The following WWOX variants were observed in gnomAD, a reference collection of about 807,000 sequenced individuals.
WWOX encodes WW domain-containing oxidoreductase.
A neutral mutation model predicts 46.2 loss-of-function variants in WWOX; 69 were observed. That is an observed-to-expected ratio of 1.49 (90% CI 1.23 to 1.82). The LOEUF (loss-of-function observed/expected upper bound fraction) is 1.82, where lower values mean the gene tolerates loss of function less well. Ranked by LOEUF, WWOX falls within the 40% of genes most tolerant of loss-of-function variation. The probability of loss-of-function intolerance (pLI) is 0.00; values close to 1 mark genes in which losing one functional copy is unlikely to be tolerated. For synonymous variants in WWOX, 359 were observed against 202.6 expected (o/e 1.77, Z -6.56); for missense variants, 919 against 542.6 (o/e 1.69, Z -6.89).
intron 8 of WWOX, among the ~76,000 whole-genome samples, chr16:79,200,036 T>A (rs924312021): frequency 2.0e-5 from 3 of 151,942 alleles, no homozygotes; most frequent in Non-Finnish European, 4.4e-5. Context: ...TGCCAGATGA[T>A]CCACAAATGC....
chr16:78,810,779 A>G (rs1188756164), intron 8 of WWOX, among the ~76,000 whole-genome samples: 1 of 152,164 alleles, frequency 6.6e-6, no homozygotes, highest in Non-Finnish European at 1.5e-5. Context: ...TTCTTTTTGG[A>G]GACAAATCAT....
At chr16:78,409,277 G>T (rs1027058990) in intron 6 of WWOX, among the ~76,000 whole-genome samples, 16 of 152,062 alleles carry the variant, frequency 1.1e-4, no homozygotes, top group Admixed American at 1.3e-4. Flanking sequence ...TATGAATTAT[G>T]ACAAACACAG....
At chr16:78,337,646 G>T (rs2080923487) in intron 5 of WWOX, among the ~76,000 whole-genome samples, 1 of 152,242 alleles carries the variant, frequency 6.6e-6, no homozygotes, top group South Asian at 2.1e-4. Context: ...CCCTGAAAGT[G>T]TTATTAAAAG....
At chr16:78,710,911 C>G (rs2048431441) in intron 8 of WWOX, among the ~76,000 whole-genome samples, 1 of 152,096 alleles carries the variant, frequency 6.6e-6, no homozygotes, top group African/African-American at 2.4e-5. Context: ...GCCACCATGC[C>G]AAAGCCTAAG....
chr16:78,382,642 C>G (rs1020827523), intron 5 of WWOX, among the ~76,000 whole-genome samples: 1 of 152,138 alleles, frequency 6.6e-6, no homozygotes, highest in Admixed American at 6.5e-5. Flanking sequence ...TCTGACTGAA[C>G]GAGGCCTGAA....
chr16:79,139,101 C>T (rs758633670), intron 8 of WWOX, among the ~76,000 whole-genome samples: 7 of 152,188 alleles, frequency 4.6e-5, no homozygotes, highest in Admixed American at 6.5e-5. Context: ...CCAGCTTCCC[C>T]GGCCCCATTC....
chr16:79,138,632 A>G (rs2050028951), intron 8 of WWOX, among the ~76,000 whole-genome samples: 1 of 152,020 alleles, frequency 6.6e-6, no homozygotes, highest in South Asian at 2.1e-4. Context: ...CACCTTTTTA[A>G]CCCAACACTT....
rs751398642 is a variant in WWOX at position 79,211,822 on chromosome 16, C to G, written c.*26C>G. 2 of 1,613,490 alleles carry G rather than the reference C, an allele frequency of 1.2e-6. No individual in the cohort carries two copies. Among genetic ancestry groups the G allele is most frequent in the South Asian group, 1.1e-5 (1 of 91,032 alleles). Reference sequence around the variant, plus strand: ...GTGGAGCTCAGAGCGGATGGGCACACACACCCGCCCTGTGTGTGTCCCCTC... The same window carrying G: ...GTGGAGCTCAGAGCGGATGGGCACAGACACCCGCCCTGTGTGTGTCCCCTC... On this transcript the variant is annotated 3_prime_UTR_variant, in exon 9 of 9. Coordinates refer to ENST00000566780, the MANE Select transcript of WWOX (RefSeq NM_016373.4).
intron 5 of WWOX, among the ~76,000 whole-genome samples, chr16:78,352,489 A>G (rs543999158): frequency 3.9e-4 from 59 of 152,092 alleles, no homozygotes; most frequent in Non-Finnish European, 7.2e-4. Context: ...CCCTTCCTCT[A>G]TCTTCAAAGC....
intron 8 of WWOX, among the ~76,000 whole-genome samples, chr16:78,629,102 T>A (rs572400780): frequency 1.3e-4 from 20 of 152,210 alleles, no homozygotes; most frequent in Non-Finnish European, 2.8e-4. Context: ...GTAAGTAGAT[T>A]TAGCAAAGTT....
At chr16:78,834,052 T>C (rs2051906164) in intron 8 of WWOX, among the ~76,000 whole-genome samples, 1 of 152,208 alleles carries the variant, frequency 6.6e-6, no homozygotes, top group South Asian at 2.1e-4. Flanking sequence ...ATCAGTCAAA[T>C]CAGAACACTG....
At chr16:79,054,351 T>A (rs772396423) in intron 8 of WWOX, among the ~76,000 whole-genome samples, 3 of 152,204 alleles carry the variant, frequency 2.0e-5, no homozygotes, top group Non-Finnish European at 2.9e-5. Context: ...ACTTGATATT[T>A]CAGGAATTTC....
chr16:78,384,319 G>C (rs1264289508), intron 5 of WWOX, among the ~76,000 whole-genome samples: 1 of 152,120 alleles, frequency 6.6e-6, no homozygotes, highest in African/African-American at 2.4e-5. Context: ...AGGGACCAGA[G>C]GACTTAGGAT....
chr16:78,991,857 C>G (rs1345714623), intron 8 of WWOX, among the ~76,000 whole-genome samples: 1 of 152,126 alleles, frequency 6.6e-6, no homozygotes, highest in East Asian at 1.9e-4. Context: ...AGACTCCTGT[C>G]CATGTGGGGC....
chr16:78,149,694 AC>A lies in WWOX; in HGVS notation c.410-14488del, dbSNP rs1422365881. ...AATTATACACATGCCAAGCATGTAC[AC>A]ATATGAGAAGCCTATATCTCGTAAT... On this transcript the variant is annotated intron_variant, in intron 4 of 8. Coordinates refer to ENST00000566780, the MANE Select transcript of WWOX (RefSeq NM_016373.4). Among the ~76,000 whole-genome samples, 8 of 152,314 alleles carry A rather than the reference AC, an allele frequency of 5.3e-5. No individual in the cohort carries two copies. The East Asian group carries it at 1.4e-3, about 26-fold the overall frequency.
chr16:79,125,259 A>G (rs2049726783), intron 8 of WWOX, among the ~76,000 whole-genome samples: 1 of 152,168 alleles, frequency 6.6e-6, no homozygotes, highest in Admixed American at 6.5e-5. Flanking sequence ...TTTCCAGAGT[A>G]CTGTTGATTG....
At chr16:78,537,788 G>T (rs2043794709) in intron 8 of WWOX, among the ~76,000 whole-genome samples, 1 of 152,114 alleles carries the variant, frequency 6.6e-6, no homozygotes, top group Admixed American at 6.5e-5. Context: ...GATTTGAAAG[G>T]GAGGTAATCA....
At position 78,099,666 on chromosome 16, in the gene WWOX, C is replaced by G; in HGVS notation, c.-113C>G. ...GCCCCTGGAGGGCGCAGTGCGCAGG[C>G]GTGAGCGGTCGGGCCCCGACGCGCG... is the stretch of plus-strand genomic sequence containing the variant. On this transcript the variant is annotated 5_prime_UTR_variant, in exon 1 of 9. Transcript: ENST00000566780. 7.5e-7 allele frequency: 1 copy of G among 1,341,150 alleles called. No homozygotes were observed. The highest frequency in any genetic ancestry group is 9.8e-7 in the Non-Finnish European group (1 of 1,016,692). 83.1% of individuals were successfully genotyped at this position (1,341,150 alleles called of 1,614,324 possible).
intron 5 of WWOX, among the ~76,000 whole-genome samples, chr16:78,249,743 C>A (rs2037929237): frequency 6.6e-6 from 1 of 152,034 alleles, no homozygotes; most frequent in Non-Finnish European, 1.5e-5. Context: ...TTATATGGCC[C>A]CTTTCTTCCC....
Sources: gnomAD v4.1 joint callset for allele counts (sites outside exome capture counted in the v4.1 genomes callset) on GRCh38, gnomAD v4.1.1 for gene constraint, MANE v1.5 for transcripts, NCBI Gene and HGNC (gene_info 2026-07-23, HGNC 2026-07-21) for gene names.